The following ANKRD45 variants were observed in gnomAD, a reference collection of about 807,000 sequenced individuals.
ANKRD45 encodes ankyrin repeat domain 45, also known as ankyrin repeat domain-containing protein 45.
In ANKRD45, 21 loss-of-function variants were observed where a neutral mutation model predicts 28.1. The ratio of observed to expected loss-of-function variants is 0.75; its 90% CI spans 0.53 to 1.08. The LOEUF (loss-of-function observed/expected upper bound fraction) is 1.08, where lower values mean the gene tolerates loss of function less well. Ranked by LOEUF, ANKRD45 falls within the 50% of genes least tolerant of loss-of-function variation. The pLI is 0.00. For missense variants in ANKRD45, 261 were observed against 308.7 expected (o/e 0.85, Z 1.16); for synonymous variants, 86 against 103.9 (o/e 0.83, Z 1.05).
At chr1:173,687,191 A>C in the ANKRD45 span, among the ~76,000 whole-genome samples, 1 of 152,212 alleles carries the variant, frequency 6.6e-6, no homozygotes, top group African/African-American at 2.4e-5. Flanking sequence ...TTTTACCAAA[A>C]GTATATTTTA....
chr1:173,666,964 A>G (rs1445274671), intron 1 of ANKRD45, among the ~76,000 whole-genome samples: 2 of 152,084 alleles, frequency 1.3e-5, no homozygotes, highest in Non-Finnish European at 2.9e-5. Flanking sequence ...TATGTTGCCC[A>G]TGCTGGTCTC....
chr1:173,685,883 C>G, the ANKRD45 span, among the ~76,000 whole-genome samples: 2 of 152,166 alleles, frequency 1.3e-5, no homozygotes, highest in Non-Finnish European at 2.9e-5. Context: ...TAGAATTACA[C>G]TGGTTTAGCT....
At chr1:173,683,578 C>G in the ANKRD45 span, among the ~76,000 whole-genome samples, 3 of 152,144 alleles carry the variant, frequency 2.0e-5, no homozygotes, top group African/African-American at 7.2e-5. Flanking sequence ...ATTAAGATAG[C>G]TCATGCTGGT....
intron 3 of ANKRD45, among the ~76,000 whole-genome samples, chr1:173,641,735 C>G (rs974808509): frequency 1.3e-5 from 2 of 152,132 alleles, no homozygotes; most frequent in African/African-American, 4.8e-5. Context: ...CCATTTGAGT[C>G]CTTTGATCCT....
chr1:173,615,328 T>C (rs1207263808), intron 5 of ANKRD45, among the ~76,000 whole-genome samples: 1 of 141,162 alleles, frequency 7.1e-6, no homozygotes, highest in Non-Finnish European at 1.5e-5. Context: ...GAAGTTGCAA[T>C]GAGCTGAGAT....
chr1:173,704,769 GT>G, the ANKRD45 span, among the ~76,000 whole-genome samples: 1 of 152,200 alleles, frequency 6.6e-6, no homozygotes, highest in Admixed American at 6.5e-5. Context: ...GACACTAACT[GT>G]TGCAGTTGGA....
At chr1:173,712,880 G>C in the ANKRD45 span, among the ~76,000 whole-genome samples, 1 of 152,154 alleles carries the variant, frequency 6.6e-6, no homozygotes, top group East Asian at 1.9e-4. Context: ...AGATTACTGG[G>C]GCCCACCTTC....
intron 2 of ANKRD45, among the ~76,000 whole-genome samples, chr1:173,653,392 A>G (rs920612009): frequency 6.6e-6 from 1 of 152,090 alleles, no homozygotes; most frequent in African/African-American, 2.4e-5. Context: ...TTCAGTTTCC[A>G]TGTAGTTGTG....
intron 3 of ANKRD45, among the ~76,000 whole-genome samples, chr1:173,645,926 TA>T (rs1301801457): frequency 6.6e-6 from 1 of 152,238 alleles, no homozygotes; most frequent in Non-Finnish European, 1.5e-5. Context: ...GTCTTTCTGA[TA>T]TTTTTATATA....
the ANKRD45 span, among the ~76,000 whole-genome samples, chr1:173,678,298 G>A: frequency 3.3e-5 from 5 of 152,076 alleles, no homozygotes; most frequent in East Asian, 1.9e-4. Flanking sequence ...GATGAACATC[G>A]ATGCAAAAAT....
At chr1:173,714,190 C>T in the ANKRD45 span, among the ~76,000 whole-genome samples, 1 of 152,162 alleles carries the variant, frequency 6.6e-6, no homozygotes, top group Admixed American at 6.5e-5. Context: ...AAATTGTAAT[C>T]CCCACCTTAC....
chr1:173,696,157 G>T, the ANKRD45 span, among the ~76,000 whole-genome samples: 1 of 152,046 alleles, frequency 6.6e-6, no homozygotes, highest in African/African-American at 2.4e-5. Context: ...AACATGTGAT[G>T]TCTCCCCCGG....
chr1:173,650,533 G>C (rs1024160231), intron 2 of ANKRD45, among the ~76,000 whole-genome samples: 1 of 152,158 alleles, frequency 6.6e-6, no homozygotes, highest in South Asian at 2.1e-4. Flanking sequence ...CCAAGTCTTT[G>C]CTATTGTGAA....
the ANKRD45 span, among the ~76,000 whole-genome samples, chr1:173,711,670 C>T: frequency 6.6e-6 from 1 of 152,182 alleles, no homozygotes; most frequent in African/African-American, 2.4e-5. Flanking sequence ...AAATCTATTT[C>T]ATGTGTATTT....
At chr1:173,706,926 C>T in the ANKRD45 span, among the ~76,000 whole-genome samples, 1 of 152,078 alleles carries the variant, frequency 6.6e-6, no homozygotes, top group African/African-American at 2.4e-5. Context: ...GCATTCTTCC[C>T]CACAGTTGTG....
chr1:173,713,616 A>G, the ANKRD45 span, among the ~76,000 whole-genome samples: 1 of 152,026 alleles, frequency 6.6e-6, no homozygotes, highest in East Asian at 1.9e-4. Flanking sequence ...CTTTTTGGGT[A>G]TATTTTTAAG....
Position 173,608,982 on chromosome 1 carries a change from GA to G in ANKRD45, c.*1162del, listed in dbSNP as rs1426771622. On this transcript the variant is annotated 3_prime_UTR_variant, in exon 6 of 6. Transcript: ENST00000333279. The stretch of plus-strand genomic sequence containing the variant: ...GAGGAAGGAGAAGGGGAAGGGAAGG[GA>G]AAAGGGAGAAGGGAGAAGGAGGGTA... Among the ~76,000 whole-genome samples the G allele has an allele frequency of 6.9e-6, 1 of 143,976 alleles. No individual in the cohort carries two copies. Among genetic ancestry groups the G allele is most frequent in the African/African-American group, 2.6e-5 (1 of 38,504 alleles). 94.5% of individuals were successfully genotyped at this position (143,976 alleles called of 152,430 possible).
chr1:173,653,241 A>G lies in ANKRD45; in HGVS notation c.328+5850T>C, dbSNP rs537352695. ...CTTTCTCTTGTGGGCATTTAGTGCTATAAATTTTCCTCTACACACTGCTTT... is the reference window on the plus strand; with the variant it reads ...CTTTCTCTTGTGGGCATTTAGTGCTGTAAATTTTCCTCTACACACTGCTTT... On this transcript the variant is annotated intron_variant, in intron 2 of 5. Transcript: ENST00000333279. Among the ~76,000 whole-genome samples the G allele has an allele frequency of 1.6e-4, 24 of 152,334 alleles. No individual in the cohort carries two copies. In the South Asian group the frequency reaches 5.0e-3, roughly 32 times the overall value.
chr1:173,630,963 G>T (rs529842298), intron 3 of ANKRD45, among the ~76,000 whole-genome samples: 14 of 151,404 alleles, frequency 9.2e-5, no homozygotes, highest in Non-Finnish European at 1.9e-4. Context: ...GCAGGAATAA[G>T]TCCTTACTTA....
Sources: gnomAD v4.1 joint callset for allele counts (sites outside exome capture counted in the v4.1 genomes callset) on GRCh38, gnomAD v4.1.1 for gene constraint, MANE v1.5 for transcripts, NCBI Gene and HGNC (gene_info 2026-07-23, HGNC 2026-07-21) for gene names.